The following MUC5AC variants were observed in gnomAD, a reference collection of about 807,000 sequenced individuals.
The protein encoded by MUC5AC is mucin 5AC, oligomeric mucus/gel-forming.
Under a neutral mutation model 169.7 loss-of-function variants are expected in MUC5AC, and 158 were observed. The ratio of observed to expected loss-of-function variants is 0.93; its 90% confidence interval spans 0.82 to 1.06. The LOEUF (loss-of-function observed/expected upper bound fraction) is 1.06, where lower values mean the gene tolerates loss of function less well. MUC5AC is among the 50% of genes least tolerant of loss of function. MUC5AC has a pLI of 0.00. For synonymous variants in MUC5AC, 1,975 were observed against 1,237.0 expected (o/e 1.60, Z -12.52); for missense variants, 4,359 against 3,089.9 (o/e 1.41, Z -9.74).
In MUC5AC at chr11:1,187,620, G is replaced by C; in HGVS notation, c.9475G>C (p.Val3159Leu). The C allele has an allele frequency of 1.3e-6, 1 of 763,290 alleles. No individual in the cohort carries two copies. Among genetic ancestry groups the C allele is most frequent in the South Asian group, 1.3e-5 (1 of 74,402 alleles). The allele number at this position is 763,290 out of a possible 1,614,324, so 47.3% of individuals were successfully genotyped here. A position where few individuals can be genotyped will look rare whatever the true frequency, so the allele number is the denominator to read the frequency against. Residue 3159 changes from valine to leucine, a missense_variant, in exon 31 of 49, where the codon GTT (valine) becomes CTT (leucine). Physicochemically the swap from Val to Leu is conservative, Grantham distance 32 (BLOSUM62 1). Transcript: ENST00000621226. ...TSGPGTTPSP[V>L]PTTSTIFAPR... Reference sequence around the variant, plus strand: ...TGGTCCTGGAACCACTCCCAGCCCTGTTCCCACCACCAGCACAATCTTTGC... The same window carrying C: ...TGGTCCTGGAACCACTCCCAGCCCTCTTCCCACCACCAGCACAATCTTTGC...
Position 1,195,115 on chromosome 11 carries a change from C to A in MUC5AC, c.15294C>A (p.Asp5098Glu), listed in dbSNP as rs1299647645. 5 of 763,706 alleles carry A rather than the reference C, an allele frequency of 6.5e-6. 1 individual carries two copies. In the East Asian group the frequency reaches 1.2e-4, roughly 19 times the overall value. 47.3% of individuals were successfully genotyped at this position (763,706 alleles called of 1,614,324 possible). A position where few individuals can be genotyped will look rare whatever the true frequency, so the allele number is the denominator to read the frequency against. The change falls in exon 36 of 49, where the codon GAC becomes GAA. Residue 5098 changes from aspartate to glutamate, a missense_variant. Asp to Glu is a conservative substitution (Grantham distance 45). Coordinates refer to ENST00000621226, the MANE Select transcript of MUC5AC (RefSeq NM_001304359.2). ...GCCTCTGGAACGTGAGCATACCCGA[C>A]CAGCCAGCCTGCCACCGGCCTCACC... The part of the protein sequence containing the change: ...MSGLWNVSIP[D>E]QPACHRPHPT...
chr11:1,161,857 G>C (rs1271508861), intron 3 of MUC5AC, 50 bp from the exon 4 acceptor site: 3 of 1,576,322 alleles, frequency 1.9e-6, no homozygotes, highest in Non-Finnish European at 2.6e-6. Context: ...AGGGGGTGCA[G>C]GGCGAGGATG....
Position 1,164,251 on chromosome 11 carries a change from C to T in MUC5AC, c.935C>T (p.Ala312Val). 2 of 1,612,656 alleles carry T rather than the reference C, an allele frequency of 1.2e-6. No individual in the cohort carries two copies. Among genetic ancestry groups the T allele is most frequent in the Non-Finnish European group, 1.7e-6 (2 of 1,179,878 alleles). Reference sequence around the variant, plus strand: ...CTCAGCTGCGTCTGCCACACCCTTGCCGAGTACTCCCGGCAGTGCACCCAT... The same window carrying T: ...CTCAGCTGCGTCTGCCACACCCTTGTCGAGTACTCCCGGCAGTGCACCCAT... ...DLLSCVCHTL[A>V]EYSRQCTHAG... The change falls in exon 8 of 49, where the codon GCC becomes GTC. Residue 312 changes from alanine (A) to valine (V), a missense_variant. By Grantham distance (64) the Ala-to-Val change is moderately conservative. Transcript: ENST00000621226.
rs760021717 is a variant in MUC5AC, at chr11:1,163,997, C to G, written c.789+6C>G. On this transcript the variant is annotated splice_donor_region_variant and intron_variant, in intron 7 of 48. Coordinates refer to ENST00000621226, the MANE Select transcript of MUC5AC (RefSeq NM_001304359.2). ...GGAACTGCTCCACTGGCTTTGTAAG[C>G]CTTGGAGGGAACAGAGGGCCCAGCA... 3 of 1,609,854 alleles carry G rather than the reference C, an allele frequency of 1.9e-6. No individual in the cohort carries two copies. Among genetic ancestry groups the G allele is most frequent in the Non-Finnish European group, 2.5e-6 (3 of 1,178,448 alleles).
In MUC5AC at chr11:1,189,635, CACA is replaced by C; in HGVS notation, c.11493_11495del (p.Thr3832del). 1 of 625,556 alleles carries C rather than the reference CACA, an allele frequency of 1.6e-6. No individual in the cohort carries two copies. The highest frequency in any genetic ancestry group is 2.8e-6 in the Non-Finnish European group (1 of 351,504). 38.8% of individuals were successfully genotyped at this position (625,556 alleles called of 1,614,324 possible). A position where few individuals can be genotyped will look rare whatever the true frequency, so the allele number is the denominator to read the frequency against. On this transcript the variant is annotated inframe_deletion, in exon 31 of 49. Coordinates refer to ENST00000621226, the MANE Select transcript of MUC5AC (RefSeq NM_001304359.2). ...GCACAACCTCTTCCCCTACAACTAG[CACA>C]ACCTCAGCTCCTACAACCAGCACAA...
Position 1,197,922 on chromosome 11 carries a change from C to T in MUC5AC, c.16053C>T (p.Cys5351=), listed in dbSNP as rs761186936. 22 of 730,164 alleles carry T rather than the reference C, an allele frequency of 3.0e-5. No individual in the cohort carries two copies. In the South Asian group the frequency reaches 3.0e-4, roughly 10 times the overall value. The allele number at this position is 730,164 out of a possible 1,614,324, so 45.2% of individuals were successfully genotyped here. A position where few individuals can be genotyped will look rare whatever the true frequency, so the allele number is the denominator to read the frequency against. The change falls in exon 42 of 49, where the codon TGC becomes TGT. Residue 5351 remains cysteine (C), a synonymous_variant. Transcript: ENST00000621226. ...QYSCACNTSR[C]PAPVGCPEGA... ...CCGCAGCCTGCAACACCAGCCGCTGCCCCGCGCCCGTGGGCTGTCCTGAGG... is the reference window on the plus strand; with the variant it reads ...CCGCAGCCTGCAACACCAGCCGCTGTCCCGCGCCCGTGGGCTGTCCTGAGG...
intron 11 of MUC5AC, among the ~76,000 whole-genome samples, chr11:1,166,488 T>C (rs1244640412): frequency 1.6e-3 from 103 of 65,320 alleles, no homozygotes; most frequent in Middle Eastern, 0.013. Context: ...ACACAGTCTC[T>C]CCACGATGAG....
At chr11:1,173,104 ATT>A (rs1860587982) in intron 16 of MUC5AC, among the ~76,000 whole-genome samples, 1 of 73,888 alleles carries the variant, frequency 1.4e-5, no homozygotes, top group Non-Finnish European at 2.3e-5. Flanking sequence ...TCACTCACTC[ATT>A]CATTCACTCA....
rs747914133 is a variant in MUC5AC, at chr11:1,194,184, A to G, written c.14830A>G (p.Thr4944Ala). The change falls in exon 34 of 49, where the codon ACG becomes GCG. Residue 4944 changes from threonine to alanine, a missense_variant. Physicochemically the swap from Thr to Ala is moderately conservative, Grantham distance 58 (BLOSUM62 0). Coordinates refer to ENST00000621226, the MANE Select transcript of MUC5AC (RefSeq NM_001304359.2). ...CTACTACACCTTCCTGGACAACTGC[A>G]CGTACGTGCTGGTGCAGCAGATTGT... ...GTYYTFLDNC[T>A]YVLVQQIVPV... 3.9e-6 allele frequency: 3 copies of G among 765,044 alleles called. No individual in the cohort carries two copies. The highest frequency in any genetic ancestry group is 7.2e-6 in the Non-Finnish European group (3 of 417,852). The allele number at this position is 765,044 out of a possible 1,614,324, so 47.4% of individuals were successfully genotyped here.
In MUC5AC at chr11:1,161,929, G is replaced by A. The variant is rs372957779; in HGVS notation, c.234G>A (p.Gly78=). 5.3e-5 allele frequency: 86 copies of A among 1,611,956 alleles called. No individual in the cohort carries two copies. In the African/African-American group the frequency reaches 8.1e-4, roughly 15 times the overall value. The change falls in exon 4 of 49, where the codon GGG becomes GGA. Residue 78 remains glycine, a synonymous_variant. Coordinates refer to ENST00000621226, the MANE Select transcript of MUC5AC (RefSeq NM_001304359.2). Reference sequence around the variant, plus strand: ...CAGCCTCCAACCCGGCGCACAACGGGCGGGTGTGCAGCACCTGGGGCAGCT... The same window carrying A: ...CAGCCTCCAACCCGGCGCACAACGGACGGGTGTGCAGCACCTGGGGCAGCT... ...VVRASNPAHN[G]RVCSTWGSFH...
At chr11:1,166,615 A>G (rs111786460) in intron 11 of MUC5AC, among the ~76,000 whole-genome samples, 7 of 8,978 alleles carry the variant, frequency 7.8e-4, no homozygotes, top group Non-Finnish European at 1.5e-3. Context: ...CCCTGCACCC[A>G]ACACACAGTC....
Position 1,200,876 on chromosome 11 carries a change from G to C in MUC5AC, c.*174G>C. On this transcript the variant is annotated 3_prime_UTR_variant, in exon 49 of 49. Coordinates refer to ENST00000621226, the MANE Select transcript of MUC5AC (RefSeq NM_001304359.2). ...GCTATGGGTCACCTGCTGCCTGGAG[G>C]AGGGGCCCTTACCCACCCCGCCTGC... 1 of 511,534 alleles carries C rather than the reference G, an allele frequency of 2.0e-6. No individual in the cohort carries two copies. Among genetic ancestry groups the C allele is most frequent in the Non-Finnish European group, 3.5e-6 (1 of 287,900 alleles). The allele number at this position is 511,534 out of a possible 1,614,324, so 31.7% of individuals were successfully genotyped here.
chr11:1,164,511 G>A lies in MUC5AC; in HGVS notation c.1108G>A (p.Ala370Thr), dbSNP rs1443394906. ...HSRACEDHCVAGCFCPEGTVL... is the reference protein window; with the variant it reads ...HSRACEDHCVTGCFCPEGTVL... ...CCGGGCCTGTGAGGACCACTGTGTG[G>A]CCGGCTGCTTCTGCCCTGAGGGTGA... Residue 370 changes from alanine (A) to threonine (T), a missense_variant, in exon 9 of 49, where the codon GCC becomes ACC. Coordinates refer to ENST00000621226, the MANE Select transcript of MUC5AC (RefSeq NM_001304359.2). 7 of 1,611,394 alleles carry A rather than the reference G, an allele frequency of 4.3e-6. No homozygotes were observed. The highest frequency in any genetic ancestry group is 5.9e-6 in the Non-Finnish European group (7 of 1,179,388).
In MUC5AC at chr11:1,187,655, C is replaced by A. The variant is rs1860987505; in HGVS notation, c.9510C>A (p.Thr3170=). The stretch of plus-strand genomic sequence containing the variant: ...CCAGCACAATCTTTGCTCCTAGAAC[C>A]AGCACCACTTCTGCCTCTACAACCA... ...PTTSTIFAPR[T]STTSASTTST... Residue 3170 remains threonine, a synonymous_variant, in exon 31 of 49, where the codon ACC becomes ACA. Coordinates refer to ENST00000621226, the MANE Select transcript of MUC5AC (RefSeq NM_001304359.2). 2 of 764,848 alleles carry A rather than the reference C, an allele frequency of 2.6e-6. No individual in the cohort carries two copies. The highest frequency in any genetic ancestry group is 2.4e-5 in the East Asian group (1 of 41,254). The allele number at this position is 764,848 out of a possible 1,614,324, so 47.4% of individuals were successfully genotyped here.
intron 15 of MUC5AC, among the ~76,000 whole-genome samples, chr11:1,171,491 ACTC>A (rs1860533825): frequency 3.0e-5 from 4 of 132,522 alleles, no homozygotes; most frequent in Non-Finnish European, 3.2e-5. Flanking sequence ...TCACCCACTC[ACTC>A]ACCCATTCAC....
Position 1,167,979 on chromosome 11 carries a change from G to T in MUC5AC, c.1489G>T (p.Ala497Ser), listed in dbSNP as rs1250863034. The stretch of plus-strand genomic sequence containing the variant: ...GAGCGTGACACTGAGCCTGGATGGG[G>T]CGCAGACGGTGAGTGGAGCCTGGCA... ...LKSVTLSLDG[A>S]QTVVVIKASG... The change falls in exon 12 of 49, where the codon GCG becomes TCG. Residue 497 changes from alanine (A) to serine (S), a missense_variant. Ala to Ser is a moderately conservative substitution (Grantham distance 99). Coordinates refer to ENST00000621226, the MANE Select transcript of MUC5AC (RefSeq NM_001304359.2). The T allele has an allele frequency of 1.9e-6, 3 of 1,550,320 alleles. No homozygotes were observed. Among genetic ancestry groups the T allele is most frequent in the Non-Finnish European group, 1.7e-6 (2 of 1,147,166 alleles).
intron 15 of MUC5AC, among the ~76,000 whole-genome samples, chr11:1,169,676 T>C (rs1388997588): frequency 1.4e-4 from 17 of 118,584 alleles, no homozygotes; most frequent in South Asian, 9.3e-4. Flanking sequence ...ACCCACTCAC[T>C]CACCCATTCA....
Position 1,175,949 on chromosome 11 carries a change from ACACT to A in MUC5AC, c.2402-198_2402-195del, listed in dbSNP as rs1372049425. ...CACACACACTCATACTCATGCACAC[ACACT>A]CACACCCAGTTATGCAACGCTCACA... On this transcript the variant is annotated intron_variant, in intron 19 of 48. Transcript: ENST00000621226. Among the ~76,000 whole-genome samples, 528 of 116,766 alleles carry A rather than the reference ACACT, an allele frequency of 4.5e-3. 5 individuals are homozygous for A. The highest frequency in any genetic ancestry group is 0.017 in the African/African-American group (494 of 28,742). The allele number at this position is 116,766 out of a possible 152,430, so 76.6% of individuals were successfully genotyped here.
intron 36 of MUC5AC, among the ~76,000 whole-genome samples, 188 bp from the exon 37 acceptor site, chr11:1,195,687 AC>A (rs1861252982): frequency 1.9e-5 from 2 of 103,252 alleles, no homozygotes; most frequent in African/African-American, 3.7e-5. Flanking sequence ...CTGGACCCCC[AC>A]CCCCCGCCCC....
Sources: allele counts gnomAD v4.1 joint callset (sites outside exome capture counted in the v4.1 genomes callset), GRCh38; gene constraint gnomAD v4.1.1; transcripts MANE v1.5; gene names NCBI Gene and HGNC (gene_info 2026-07-23, HGNC 2026-07-21).